IRF7: variants seen among roughly 807,000 people sequenced by gnomAD.
IRF7 encodes the protein interferon regulatory factor-7H.
IRF7 carries 67 observed loss-of-function variants against 51.3 expected under a neutral mutation model. The ratio of observed to expected loss-of-function variants is 1.31; its 90% CI spans 1.07 to 1.60. The LOEUF (loss-of-function observed/expected upper bound fraction) is 1.60. Ranked by LOEUF, IRF7 falls within the 40% of genes most tolerant of loss-of-function variation. The pLI is 0.00. For synonymous variants in IRF7, 427 were observed against 301.3 expected, an observed-to-expected ratio of 1.42 and a Z score of -4.32; for missense variants, 873 against 701.5, an observed-to-expected ratio of 1.24 and a Z score of -2.76.
intron 4 of IRF7, 31 bp downstream of exon 4, chr11:614,766 G>T: frequency 6.6e-7 from 1 of 1,520,508 alleles, no homozygotes. Context: ...CAGGACGAAT[G>T]CCAACGCCCT....
In IRF7 at chr11:614,642, G is replaced by A. The variant is rs1424218206; in HGVS notation, c.395-108C>T. 27 of 1,429,728 alleles carry A rather than the reference G, an allele frequency of 1.9e-5. No individual in the cohort carries two copies. In the Admixed American group the frequency reaches 5.5e-4, roughly 29 times the overall value. 88.6% of individuals were successfully genotyped at this position (1,429,728 alleles called of 1,614,324 possible). ...CCTGGCTGTGAACCCTTAGGCTGTG[G>A]CCTGAGGAGGTGGGGATGTGGCTCT... On this transcript the variant is annotated intron_variant, in intron 4 of 10. Transcript: ENST00000525445.
chr11:615,777 G>GCCTCCA (rs1856817893), intron 1 of IRF7, 130 bp from the exon 2 acceptor site: 1 of 215,076 alleles, frequency 4.6e-6, no homozygotes, highest in East Asian at 9.5e-5. Context: ...CCCCGCCTCC[G>GCCTCCA]CCTCCGCCTC....
chr11:613,765 C>A lies in IRF7; in HGVS notation c.847+20G>T. The A allele has an allele frequency of 2.7e-6, 4 of 1,505,750 alleles. No individual in the cohort carries two copies. The highest frequency in any genetic ancestry group is 1.4e-5 in the African/African-American group (1 of 70,788). The allele number at this position is 1,505,750 out of a possible 1,614,324, so 93.3% of individuals were successfully genotyped here. On this transcript the variant is annotated intron_variant, in intron 8 of 10. Transcript: ENST00000525445. ...CGGGGGTGGGCGGGGACAGGCTGCC[C>A]CTTCCTGGGATGCACTCACCTTGCA... is the stretch of plus-strand genomic sequence containing the variant.
In IRF7 at chr11:614,323, C is replaced by G. The variant is rs1239137691; in HGVS notation, c.530G>C (p.Gly177Ala). Residue 177 changes from glycine (G) to alanine (A), a missense_variant, in exon 6 of 11, where the codon GGT becomes GCT. Transcript: ENST00000525445. The part of the protein sequence containing the change: ...QAPGPLPAPA[G>A]DKGDLLLQAV... ...CTGGAGCAGGAGGTCCCCCTTGTCA[C>G]CAGCTGGGGCAGGGAGGGGGCCTGG... is the stretch of plus-strand genomic sequence containing the variant. 17 of 1,611,338 alleles carry G rather than the reference C, an allele frequency of 1.1e-5. No individual in the cohort carries two copies. The highest frequency in any genetic ancestry group is 1.4e-5 in the Non-Finnish European group (17 of 1,179,486).
Position 615,171 on chromosome 11 carries a change from G to T in IRF7, c.109C>A (p.Arg37Ser). The change falls in exon 3 of 11, where the codon CGC becomes AGC. Residue 37 changes from arginine (R) to serine (S), a missense_variant. Transcript: ENST00000525445. ...YEGLQWLDEA[R>S]TCFRVPWKHF... The stretch of plus-strand genomic sequence containing the variant: ...TTCCAGGGCACGCGGAAACAGGTGC[G>T]GGCCTCGTCCAGCCACTGCAGCCCC... The T allele has an allele frequency of 6.2e-7, 1 of 1,604,150 alleles. No homozygotes were observed. Among genetic ancestry groups the T allele is most frequent in the Non-Finnish European group, 8.5e-7 (1 of 1,179,018 alleles).
Position 613,513 on chromosome 11 carries a change from G to A in IRF7, c.930C>T (p.Cys310=). The A allele has an allele frequency of 6.4e-7, 1 of 1,558,614 alleles. No homozygotes were observed. The highest frequency in any genetic ancestry group is 8.7e-7 in the Non-Finnish European group (1 of 1,155,106). The part of the protein sequence containing the change: ...VLQKVVGHPS[C]TFLYGPPDPA... ...GGTCTGGGGGGCCGTATAGGAACGT[G>A]CAGCTCGGGTGTCCCACCACCTTCT... Residue 310 remains cysteine (C), a synonymous_variant, in exon 9 of 11, where the codon TGC becomes TGT. Transcript: ENST00000525445.
In IRF7 at chr11:615,588, A is replaced by C. The variant is rs1856798366; in HGVS notation, c.-224T>G. 2.0e-6 allele frequency: 1 copy of C among 495,484 alleles called. No homozygotes were observed. Among genetic ancestry groups the C allele is most frequent in the Non-Finnish European group, 3.5e-6 (1 of 284,522 alleles). 30.7% of individuals were successfully genotyped at this position (495,484 alleles called of 1,614,324 possible). A position where few individuals can be genotyped will look rare whatever the true frequency, so the allele number is the denominator to read the frequency against. On this transcript the variant is annotated 5_prime_UTR_variant, in exon 2 of 11. Transcript: ENST00000525445. ...GACTGCAGGTGTGGCCGGCGCGCAC[A>C]CATGAAGTCACAGGTGTTGAACCAG...
At position 613,602 on chromosome 11, in the gene IRF7, G is replaced by A. The variant is rs2133133009; in HGVS notation, c.848-7C>T. The A allele has an allele frequency of 6.5e-7, 1 of 1,538,654 alleles. No homozygotes were observed. The highest frequency in any genetic ancestry group is 8.7e-7 in the Non-Finnish European group (1 of 1,148,096). On this transcript the variant is annotated splice_region_variant and splice_polypyrimidine_tract_variant and intron_variant, in intron 8 of 10. Transcript: ENST00000525445. ...AGCGCCCCTGGGCTGGGCTCTGTGT[G>A]GAGACCAAGCTGTGAGTGACGGGGG...
Position 615,617 on chromosome 11 carries a change from C to T in IRF7, c.-253G>A. ...GAAGTCACAGGTGTTGAACCAGTGTCCAGGCCTGGCGGGAAGGCGCAGGCC... is the reference window on the plus strand; with the variant it reads ...GAAGTCACAGGTGTTGAACCAGTGTTCAGGCCTGGCGGGAAGGCGCAGGCC... On this transcript the variant is annotated 5_prime_UTR_variant, in exon 2 of 11. Transcript: ENST00000525445. The T allele has an allele frequency of 2.3e-6, 1 of 435,624 alleles. No individual in the cohort carries two copies. Among genetic ancestry groups the T allele is most frequent in the Non-Finnish European group, 4.0e-6 (1 of 247,970 alleles). The allele number at this position is 435,624 out of a possible 1,614,324, so 27.0% of individuals were successfully genotyped here. A position where few individuals can be genotyped will look rare whatever the true frequency, so the allele number is the denominator to read the frequency against.
chr11:614,725 C>A, intron 4 of IRF7, 72 bp downstream of exon 4: 1 of 1,473,620 alleles, frequency 6.8e-7, no homozygotes, highest in African/African-American at 1.4e-5. Context: ...AACCACAAAT[C>A]TGACCCAGAG....
At position 615,326 on chromosome 11, in the gene IRF7, G is replaced by C. The variant is rs1021670269; in HGVS notation, c.20+19C>G. ...GCGCTCGGGGACTGGCATCTGGAGAGGGTGGGCCGGGCTCTTACCTCTCAG... is the reference window on the plus strand; with the variant it reads ...GCGCTCGGGGACTGGCATCTGGAGACGGTGGGCCGGGCTCTTACCTCTCAG... On this transcript the variant is annotated intron_variant, in intron 2 of 10. Coordinates refer to ENST00000525445, the MANE Select transcript of IRF7 (RefSeq NM_001572.5). 3.9e-6 allele frequency: 6 copies of C among 1,553,060 alleles called. No homozygotes were observed. In the African/African-American group the frequency reaches 8.2e-5, roughly 21 times the overall value.
intron 4 of IRF7, 21 bp from the exon 5 acceptor site, chr11:614,555 C>T (rs371539281): frequency 2.0e-4 from 317 of 1,550,440 alleles, no homozygotes; most frequent in Admixed American, 3.9e-4. Context: ...ATGGGGCAGG[C>T]GTTAGGCCCC....
At position 613,189 on chromosome 11, in the gene IRF7, G is replaced by A; in HGVS notation, c.1237+17C>T. 1 of 1,593,198 alleles carries A rather than the reference G, an allele frequency of 6.3e-7. No individual in the cohort carries two copies. The highest frequency in any genetic ancestry group is 8.6e-7 in the Non-Finnish European group (1 of 1,168,008). On this transcript the variant is annotated intron_variant, in intron 9 of 10. Coordinates refer to ENST00000525445, the MANE Select transcript of IRF7 (RefSeq NM_001572.5). ...AGGACCCCTGGAGACAGCCCCCCAG[G>A]CAAGGGCCTCACTGACCTTGGAAGA... is the stretch of plus-strand genomic sequence containing the variant.
Position 613,767 on chromosome 11 carries a change from T to C in IRF7, c.847+18A>G. On this transcript the variant is annotated intron_variant, in intron 8 of 10. Coordinates refer to ENST00000525445, the MANE Select transcript of IRF7 (RefSeq NM_001572.5). Reference sequence around the variant, plus strand: ...GGGGTGGGCGGGGACAGGCTGCCCCTTCCTGGGATGCACTCACCTTGCACC... The same window carrying C: ...GGGGTGGGCGGGGACAGGCTGCCCCCTCCTGGGATGCACTCACCTTGCACC... The C allele has an allele frequency of 6.5e-7, 1 of 1,529,486 alleles. No homozygotes were observed. Among genetic ancestry groups the C allele is most frequent in the Non-Finnish European group, 8.7e-7 (1 of 1,146,602 alleles). 94.7% of individuals were successfully genotyped at this position (1,529,486 alleles called of 1,614,324 possible).
In IRF7 at chr11:613,816, T is replaced by A; in HGVS notation, c.816A>T (p.Ser272=). ...CCGCGGTGCAGGCGCTTGGGGAGGGTGACAGGTACGGCTCTGCCTGGTGCG... is the reference window on the plus strand; with the variant it reads ...CCGCGGTGCAGGCGCTTGGGGAGGGAGACAGGTACGGCTCTGCCTGGTGCG... ...ESPHQAEPYL[S]PSPSACTAVQ... The change falls in exon 8 of 11, where the codon TCA becomes TCT. Residue 272 remains serine (S), a synonymous_variant. Coordinates refer to ENST00000525445, the MANE Select transcript of IRF7 (RefSeq NM_001572.5). 6.4e-7 allele frequency: 1 copy of A among 1,574,672 alleles called. No homozygotes were observed. The highest frequency in any genetic ancestry group is 8.6e-7 in the Non-Finnish European group (1 of 1,168,040).
In IRF7 at chr11:615,445, G is replaced by A. The variant is rs1856788685; in HGVS notation, c.-81C>T. The A allele has an allele frequency of 1.4e-6, 2 of 1,424,422 alleles. No individual in the cohort carries two copies. Among genetic ancestry groups the A allele is most frequent in the Non-Finnish European group, 1.8e-6 (2 of 1,086,252 alleles). 88.2% of individuals were successfully genotyped at this position (1,424,422 alleles called of 1,614,324 possible). On this transcript the variant is annotated 5_prime_UTR_variant, in exon 2 of 11. Transcript: ENST00000525445. ...AGGGCTCCTGTCGCAGCAGACGCCA[G>A]GCCGCGGCCACAGGTCGTGTGGCCA...
In IRF7 at chr11:615,068, CCGGGGCGGGG is replaced by C. The variant is rs749444292; in HGVS notation, c.183+19_183+28del. 6 of 1,563,966 alleles carry C rather than the reference CCGGGGCGGGG, an allele frequency of 3.8e-6. No homozygotes were observed. The East Asian group carries it at 7.0e-5, about 18-fold the overall frequency. ...CGGGGTCCTAGGCGGGCTCTCCCAC[CCGGGGCGGGG>C]CGGGGCTGGGGTCCCCACCTTGAAG... On this transcript the variant is annotated intron_variant, in intron 3 of 10. Transcript: ENST00000525445.
chr11:615,503 GGCTT>G lies in IRF7; in HGVS notation c.-143_-140del. The G allele has an allele frequency of 2.1e-6, 2 of 974,064 alleles. No homozygotes were observed. Among genetic ancestry groups the G allele is most frequent in the Non-Finnish European group, 2.9e-6 (2 of 689,686 alleles). The allele number at this position is 974,064 out of a possible 1,614,324, so 60.3% of individuals were successfully genotyped here. On this transcript the variant is annotated 5_prime_UTR_variant, in exon 2 of 11. Transcript: ENST00000525445. Reference sequence around the variant, plus strand: ...CAGGTGTCCACAGGTGTGGACTGAGGGCTTGTAGCCACCGACGCTGCCTCGGTAT... The same window carrying G: ...CAGGTGTCCACAGGTGTGGACTGAGGGTAGCCACCGACGCTGCCTCGGTAT...
rs768173551 is a variant in IRF7, at chr11:613,841, G to A, written c.791C>T (p.Pro264Leu). ...TTGEAAAPES[P>L]HQAEPYLSPS... ...TGACAGGTACGGCTCTGCCTGGTGC[G>A]GGGACTCTGGGGCCGCGGCCTCGCC... Residue 264 changes from proline (P) to leucine (L), a missense_variant, in exon 8 of 11, where the codon CCG becomes CTG. Physicochemically the swap from Pro to Leu is moderately conservative, Grantham distance 98. Transcript: ENST00000525445. The A allele has an allele frequency of 6.3e-7, 1 of 1,597,668 alleles. No homozygotes were observed.
Sources: allele counts gnomAD v4.1 joint callset, GRCh38; gene constraint gnomAD v4.1.1; transcripts MANE v1.5; gene names NCBI Gene and HGNC (gene_info 2026-07-23, HGNC 2026-07-21).